Variants in RAB27A observed in about 807,000 individuals in gnomAD.
The protein encoded by RAB27A is ras-related protein Rab-27A.
In RAB27A, 17 loss-of-function variants were observed where a neutral mutation model predicts 20.8. The ratio of observed to expected loss-of-function variants is 0.82; its 90% CI spans 0.56 to 1.23. RAB27A has a LOEUF of 1.23. Ranked by LOEUF, RAB27A falls within the 50% of genes most tolerant of loss-of-function variation. The pLI is 0.00. For missense variants in RAB27A, 277 were observed against 266.7 expected, an observed-to-expected ratio of 1.04 and a Z score of -0.27; for synonymous variants, 85 against 92.8, an observed-to-expected ratio of 0.92 and a Z score of 0.48.
chr15:55,249,920 C>T (rs1896823802), intron 2 of RAB27A, among the ~76,000 whole-genome samples: 1 of 151,998 alleles, frequency 6.6e-6, no homozygotes, highest in Non-Finnish European at 1.5e-5. Context: ...CATGAAAATA[C>T]TTTAAGAGTT....
At chr15:55,220,808 A>G (rs1189198668) in intron 6 of RAB27A, among the ~76,000 whole-genome samples, 3 of 152,220 alleles carry the variant, frequency 2.0e-5, no homozygotes, top group South Asian at 2.1e-4. Context: ...GTTATATGCC[A>G]TATTTGTGAA....
At chr15:55,265,511 T>C (rs1001184426) in intron 2 of RAB27A, among the ~76,000 whole-genome samples, 1 of 152,080 alleles carries the variant, frequency 6.6e-6, no homozygotes, top group Non-Finnish European at 1.5e-5. Flanking sequence ...TTACCTCACA[T>C]GTCAGCCAAA....
At chr15:55,221,385 C>T (rs1267952231) in intron 6 of RAB27A, among the ~76,000 whole-genome samples, 1 of 152,140 alleles carries the variant, frequency 6.6e-6, no homozygotes, top group East Asian at 1.9e-4. Flanking sequence ...TTGCAACATA[C>T]CTCACAGCTT....
intron 2 of RAB27A, among the ~76,000 whole-genome samples, chr15:55,260,213 T>C (rs765818226): frequency 5.9e-5 from 9 of 152,232 alleles, no homozygotes; most frequent in Middle Eastern, 3.4e-3. Flanking sequence ...TATTAGAGAA[T>C]TGCAAATTAA....
intron 2 of RAB27A, among the ~76,000 whole-genome samples, chr15:55,262,478 C>T (rs1480796126): frequency 6.7e-6 from 1 of 149,338 alleles, no homozygotes; most frequent in Non-Finnish European, 1.5e-5. Context: ...GGAGGCAGAG[C>T]TTGCAGTGAG....
At chr15:55,237,072 A>G (rs185824955) in intron 2 of RAB27A, among the ~76,000 whole-genome samples, 151 of 152,268 alleles carry the variant, frequency 9.9e-4, no homozygotes, top group African/African-American at 3.2e-3. Context: ...ACGACTCTAC[A>G]TGACTATTCA....
In RAB27A at chr15:55,228,703, G is replaced by A. The variant is rs1378141296; in HGVS notation, c.249C>T (p.Ser83=). The A allele has an allele frequency of 6.2e-7, 1 of 1,612,436 alleles. No individual in the cohort carries two copies. ...CATCTCTGAAGAACGCTGTCGTTAA[G>A]CTACGAAACCTAGGAACATAAAAGC... ...WDTAGQERFR[S]LTTAFFRDAM... Residue 83 remains serine (S), a synonymous_variant, in exon 5 of 7, where the codon AGC becomes AGT. Coordinates refer to ENST00000336787, the MANE Select transcript of RAB27A (RefSeq NM_183235.3).
rs1227282950 is a variant in RAB27A at position 55,299,584 on chromosome 15, A to C, written c.-112+14455T>G. On this transcript the variant is annotated intron_variant, in intron 2 of 5. Coordinates refer to the RAB27A transcript ENST00000563262. ...CTCCAGCCTAGGTGACACAGTGAGA[A>C]TCTGTCTCAAAAAAAAAAAAAAAAA... Among the ~76,000 whole-genome samples, 7 of 144,142 alleles carry C rather than the reference A, an allele frequency of 4.9e-5. No individual in the cohort carries two copies. In the Admixed American group the frequency reaches 4.9e-4, roughly 10 times the overall value. The allele number at this position is 144,142 out of a possible 152,430, so 94.6% of individuals were successfully genotyped here.
chr15:55,298,241 T>G (rs370543113), intron 2 of RAB27A, among the ~76,000 whole-genome samples: 1 of 150,894 alleles, frequency 6.6e-6, no homozygotes, highest in Non-Finnish European at 1.5e-5. Flanking sequence ...GTGGGCCGTA[T>G]TGGGGAACCT....
intron 6 of RAB27A, among the ~76,000 whole-genome samples, chr15:55,209,756 A>T (rs116429557): frequency 7.1e-6 from 1 of 141,268 alleles, no homozygotes; most frequent in Non-Finnish European, 1.5e-5. Context: ...ATATATGTGT[A>T]TGTGTGTACA....
At chr15:55,217,555 C>T (rs1380582083) in intron 6 of RAB27A, among the ~76,000 whole-genome samples, 1 of 148,568 alleles carries the variant, frequency 6.7e-6, no homozygotes, top group East Asian at 2.0e-4. Flanking sequence ...GCCCCAGCTA[C>T]TCGGGAGGGT....
chr15:55,277,413 C>T (rs559384933), intron 1 of RAB27A, among the ~76,000 whole-genome samples: 1 of 152,064 alleles, frequency 6.6e-6, no homozygotes, highest in Non-Finnish European at 1.5e-5. Flanking sequence ...GAGGCAGAGG[C>T]GGGCAGGTCA....
intron 6 of RAB27A, among the ~76,000 whole-genome samples, chr15:55,219,939 CA>C (rs1895484899): frequency 6.6e-6 from 1 of 151,558 alleles, no homozygotes. Flanking sequence ...CCAAGTTTCA[CA>C]GCAAAAACAA....
chr15:55,243,660 T>C (rs1388497155), intron 2 of RAB27A, among the ~76,000 whole-genome samples: 7 of 152,048 alleles, frequency 4.6e-5, no homozygotes, highest in Admixed American at 6.6e-5. Context: ...TCTGACATCA[T>C]GTCTCTGTAA....
intron 2 of RAB27A, among the ~76,000 whole-genome samples, chr15:55,238,805 T>G (rs991831801): frequency 2.2e-4 from 34 of 152,242 alleles, no homozygotes; most frequent in African/African-American, 8.0e-4. Flanking sequence ...TTGCAATTCA[T>G]TTAATACAGA....
chr15:55,238,772 C>T (rs141962753), intron 2 of RAB27A, among the ~76,000 whole-genome samples: 9 of 152,180 alleles, frequency 5.9e-5, no homozygotes, highest in African/African-American at 2.2e-4. Context: ...TAATTCTGAT[C>T]CTTTTTGGCT....
At position 55,235,803 on chromosome 15, in the gene RAB27A, T is replaced by TAC. The variant is rs200686769; in HGVS notation, c.-22-849_-22-848dup. Among the ~76,000 whole-genome samples the TAC allele has an allele frequency of 9.2e-3, 1,397 of 152,058 alleles. 20 individuals carry two copies. The highest frequency in any genetic ancestry group is 0.032 in the African/African-American group (1,333 of 41,478). On this transcript the variant is annotated intron_variant, in intron 2 of 6. Coordinates refer to ENST00000336787, the MANE Select transcript of RAB27A (RefSeq NM_183235.3). ...CACAATTTTTTTATCTGTATATATATACACACACCACGGAATACTACTCAG... is the reference window on the plus strand; with the variant it reads ...CACAATTTTTTTATCTGTATATATATACACACACACCACGGAATACTACTCAG...
rs562126752 is a variant in RAB27A at position 55,312,594 on chromosome 15, G to T, written c.-112+1445C>A. On this transcript the variant is annotated intron_variant, in intron 2 of 5. Coordinates refer to the RAB27A transcript ENST00000563262. ...TCTTTTTGACTGCAGTCATCCTAGT[G>T]AACATGAAATGGTAACTCAGTGTGG... Among the ~76,000 whole-genome samples the T allele has an allele frequency of 1.1e-4, 17 of 152,050 alleles. No homozygotes were observed. In the South Asian group the frequency reaches 3.3e-3, roughly 30 times the overall value.
intron 5 of RAB27A, among the ~76,000 whole-genome samples, chr15:55,228,071 A>G (rs997490687): frequency 3.3e-5 from 5 of 152,204 alleles, no homozygotes; most frequent in Non-Finnish European, 7.3e-5. Flanking sequence ...ACTTTTACCA[A>G]TGCAGTTGTA....
Sources: gnomAD v4.1 joint callset for allele counts (sites outside exome capture counted in the v4.1 genomes callset) on GRCh38, gnomAD v4.1.1 for gene constraint, MANE v1.5 for transcripts, NCBI Gene and HGNC (gene_info 2026-07-23, HGNC 2026-07-21) for gene names.